PHACTR2: variants seen among roughly 807,000 people sequenced by gnomAD.
The protein encoded by PHACTR2 is chromosome 6 open reading frame 56.
PHACTR2 carries 30 observed loss-of-function variants against 76.0 expected under a neutral mutation model. The observed-to-expected ratio is 0.39, with a 90% CI of 0.30 to 0.54. PHACTR2 has a LOEUF of 0.54. Ranked by LOEUF, PHACTR2 falls within the 20% of genes least tolerant of loss-of-function variation. The pLI is 0.61. For synonymous variants in PHACTR2, 292 were observed against 292.5 expected (o/e 1.00, Z 0.02); for missense variants, 696 against 781.1 (o/e 0.89, Z 1.30).
rs992994770 is a variant in PHACTR2, at chr6:143,823,364, C to T, written c.1923-310C>T. ...CCTCTGCTTGATAAAGGTTAGAGCA[C>T]GATGCTCAAGAATAGTGATGTTTTC... On this transcript the variant is annotated intron_variant, in intron 12 of 12. Coordinates refer to ENST00000440869, the MANE Select transcript of PHACTR2 (RefSeq NM_001100164.2). This position sits in a 1 kb window ranked among gnomAD's most constrained non-coding sequence, Gnocchi z 5.7. 1.5e-4 allele frequency among the ~76,000 whole-genome samples: 23 copies of T among 152,114 alleles called. No individual in the cohort carries two copies. The highest frequency in any genetic ancestry group is 4.6e-4 in the African/African-American group (19 of 41,412).
At chr6:143,725,699 C>T (rs969842288) in intron 2 of PHACTR2, among the ~76,000 whole-genome samples, 20 of 151,736 alleles carry the variant, frequency 1.3e-4, no homozygotes, top group East Asian at 5.9e-4. Context: ...AGCTGGGCAT[C>T]GCCTGTAATC....
Position 143,581,831 on chromosome 6 carries a change from C to T in PHACTR2, c.217+44624C>T, listed in dbSNP as rs1775577968. ...TGGGTGACAGAGTGAGAACCCTGTT[C>T]CCCTCCCCACCCCTCAAAAAGGAAA... is the stretch of plus-strand genomic sequence containing the variant. On this transcript the variant is annotated intron_variant, in intron 1 of 11. Coordinates refer to the PHACTR2 transcript ENST00000367584. The surrounding 1 kb of genome is among the most constrained non-coding windows in gnomAD (Gnocchi z 4.5). Among the ~76,000 whole-genome samples the T allele has an allele frequency of 1.3e-5, 2 of 152,020 alleles. No homozygotes were observed. The highest frequency in any genetic ancestry group is 6.5e-5 in the Admixed American group (1 of 15,268).
rs1332331133 is a variant in PHACTR2 at position 143,822,400 on chromosome 6, C to T, written c.1923-1274C>T. Among the ~76,000 whole-genome samples, 2 of 152,058 alleles carry T rather than the reference C, an allele frequency of 1.3e-5. No homozygotes were observed. The highest frequency in any genetic ancestry group is 6.6e-5 in the Admixed American group (1 of 15,260). The stretch of plus-strand genomic sequence containing the variant: ...AAGAACTGGGTTGGGCGCAGTGGCT[C>T]GTACCTGTAATCACAGCACTGTGGA... On this transcript the variant is annotated intron_variant, in intron 12 of 12. Coordinates refer to ENST00000440869, the MANE Select transcript of PHACTR2 (RefSeq NM_001100164.2). The surrounding 1 kb of genome is among the most constrained non-coding windows in gnomAD (Gnocchi z 5.5).
chr6:143,551,625 G>C (rs1775096812), intron 1 of PHACTR2, among the ~76,000 whole-genome samples: 1 of 152,102 alleles, frequency 6.6e-6, no homozygotes, highest in South Asian at 2.1e-4. Context: ...TGCTTCTATG[G>C]GTTGAACATA....
Position 143,827,180 on chromosome 6 carries a change from ATATATATATATATATATATG to A in PHACTR2, c.*3497_*3516del, listed in dbSNP as rs1207377312. 1 of 129,576 alleles carries A rather than the reference ATATATATATATATATATATG, an allele frequency of 7.7e-6. No individual in the cohort carries two copies. Among genetic ancestry groups the A allele is most frequent in the Non-Finnish European group, 1.6e-5 (1 of 60,648 alleles). The allele number at this position is 129,576 out of a possible 1,614,324, so 8.0% of individuals were successfully genotyped here. On this transcript the variant is annotated 3_prime_UTR_variant, in exon 13 of 13. Coordinates refer to ENST00000440869, the MANE Select transcript of PHACTR2 (RefSeq NM_001100164.2). ...AATATATATATATATATATATATAT[ATATATATATATATATATATG>A]TATATTATATATACAGTAGCTTACA...
In PHACTR2 at chr6:143,678,956, CTGTT is replaced by C. The variant is rs1234149290; in HGVS notation, c.46+750_46+753del. Reference sequence around the variant, plus strand: ...AGTGTAGGGATAAAAAAAAAAAAAACTGTTTGGTGGTGTTACTTGTGATTGGATA... The same window carrying C: ...AGTGTAGGGATAAAAAAAAAAAAAACTGGTGGTGTTACTTGTGATTGGATA... On this transcript the variant is annotated intron_variant, in intron 1 of 12. Coordinates refer to ENST00000440869, the MANE Select transcript of PHACTR2 (RefSeq NM_001100164.2). The surrounding 1 kb of genome is among the most constrained non-coding windows in gnomAD (Gnocchi z 6.2). Among the ~76,000 whole-genome samples the C allele has an allele frequency of 6.8e-6, 1 of 147,838 alleles. No homozygotes were observed. Among genetic ancestry groups the C allele is most frequent in the African/African-American group, 2.6e-5 (1 of 38,846 alleles).
intron 5 of PHACTR2, among the ~76,000 whole-genome samples, chr6:143,762,321 A>C (rs1779461624): frequency 6.6e-6 from 1 of 152,200 alleles, no homozygotes. Context: ...GATTAACACC[A>C]GGTCAGGGGA....
Position 143,648,890 on chromosome 6 carries a change from TTGTGTGTG to T in PHACTR2, c.13+40578_13+40585del, listed in dbSNP as rs66791386. Among the ~76,000 whole-genome samples the T allele has an allele frequency of 1.3e-5, 2 of 150,162 alleles. No homozygotes were observed. The highest frequency in any genetic ancestry group is 2.5e-5 in the African/African-American group (1 of 40,720). ...TCTATGCATATGTGTCTATGTATGT[TTGTGTGTG>T]TGTGTGTGTCTGTCTGGGTCTATGT... On this transcript the variant is annotated intron_variant, in intron 1 of 11. Transcript: ENST00000305766. This position sits in a 1 kb window ranked among gnomAD's most constrained non-coding sequence, Gnocchi z 6.7.
rs898486322 is a variant in PHACTR2, at chr6:143,663,688, G to A, written c.14-48328G>A. Reference sequence around the variant, plus strand: ...TTGGATTTTCTTGTGTTACTTAGGAGTATGTTTCTTTCAGTTTCTAAAAAT... The same window carrying A: ...TTGGATTTTCTTGTGTTACTTAGGAATATGTTTCTTTCAGTTTCTAAAAAT... On this transcript the variant is annotated intron_variant, in intron 1 of 11. Coordinates refer to the PHACTR2 transcript ENST00000305766. This position sits in a 1 kb window ranked among gnomAD's most constrained non-coding sequence, Gnocchi z 4.1. Among the ~76,000 whole-genome samples, 1 of 151,994 alleles carries A rather than the reference G, an allele frequency of 6.6e-6. No individual in the cohort carries two copies. The highest frequency in any genetic ancestry group is 1.5e-5 in the Non-Finnish European group (1 of 67,982).
rs1338304849 is a variant in PHACTR2 at position 143,613,628 on chromosome 6, T to C, written c.13+5306T>C. Among the ~76,000 whole-genome samples the C allele has an allele frequency of 2.6e-5, 4 of 152,240 alleles. No homozygotes were observed. In the East Asian group the frequency reaches 5.8e-4, roughly 22 times the overall value. Reference sequence around the variant, plus strand: ...GCGTTTCTTTCTTTGCAAACGCTCATCTTTCCAAAGGCAGAATGAATTGTG... The same window carrying C: ...GCGTTTCTTTCTTTGCAAACGCTCACCTTTCCAAAGGCAGAATGAATTGTG... On this transcript the variant is annotated intron_variant, in intron 1 of 11. Transcript: ENST00000305766.
rs757773753 is a variant in PHACTR2, at chr6:143,617,172, A to G, written c.13+8850A>G. ...GGGAAGGGGAGAGGAAACTTACTTC[A>G]ATCCCAGCCCTGTGTCAAGGCCCAG... On this transcript the variant is annotated intron_variant, in intron 1 of 11. Coordinates refer to the PHACTR2 transcript ENST00000305766. This position sits in a 1 kb window ranked among gnomAD's most constrained non-coding sequence, Gnocchi z 4.8. Among the ~76,000 whole-genome samples, 3 of 152,216 alleles carry G rather than the reference A, an allele frequency of 2.0e-5. No individual in the cohort carries two copies. The highest frequency in any genetic ancestry group is 4.4e-5 in the Non-Finnish European group (3 of 68,026).
chr6:143,537,454 G>A lies in PHACTR2; in HGVS notation c.217+247G>A, dbSNP rs935603121. 6.6e-6 allele frequency among the ~76,000 whole-genome samples: 1 copy of A among 152,210 alleles called. No homozygotes were observed. Among genetic ancestry groups the A allele is most frequent in the Non-Finnish European group, 1.5e-5 (1 of 68,026 alleles). On this transcript the variant is annotated intron_variant, in intron 1 of 11. Coordinates refer to the PHACTR2 transcript ENST00000367584. The surrounding 1 kb of genome is among the most constrained non-coding windows in gnomAD (Gnocchi z 4.4). ...CGGCTTGGTGCGCCTTGCGGGGCGA[G>A]TGTGCAGCCTGGGTTGGGGTAGGGA...
Position 143,619,530 on chromosome 6 carries a change from A to G in PHACTR2, c.13+11208A>G, listed in dbSNP as rs574249874. Among the ~76,000 whole-genome samples the G allele has an allele frequency of 6.6e-6, 1 of 152,324 alleles. No individual in the cohort carries two copies. The highest frequency in any genetic ancestry group is 2.1e-4 in the South Asian group (1 of 4,826). On this transcript the variant is annotated intron_variant, in intron 1 of 11. Transcript: ENST00000305766. The surrounding 1 kb of genome is among the most constrained non-coding windows in gnomAD (Gnocchi z 4.5). The stretch of plus-strand genomic sequence containing the variant: ...CCCTACTGAAGGGTACACAGTGTTG[A>G]CCTGTACACAAAGAAGCATCTTTCT...
At position 143,541,066 on chromosome 6, in the gene PHACTR2, T is replaced by C. The variant is rs906188942; in HGVS notation, c.217+3859T>C. 6.6e-6 allele frequency among the ~76,000 whole-genome samples: 1 copy of C among 152,252 alleles called. No individual in the cohort carries two copies. Among genetic ancestry groups the C allele is most frequent in the Non-Finnish European group, 1.5e-5 (1 of 68,044 alleles). ...TCAGCCTCCTGAGTAGCTGGTGTTA[T>C]AGGCGCATGCCACTGCTCCCAGCCT... On this transcript the variant is annotated intron_variant, in intron 1 of 11. Transcript: ENST00000367584. The surrounding 1 kb of genome is among the most constrained non-coding windows in gnomAD (Gnocchi z 5.3).
rs1340262736 is a variant in PHACTR2, at chr6:143,578,699, G to A, written c.217+41492G>A. On this transcript the variant is annotated intron_variant, in intron 1 of 11. Transcript: ENST00000367584. This position sits in a 1 kb window ranked among gnomAD's most constrained non-coding sequence, Gnocchi z 4.5. Reference sequence around the variant, plus strand: ...AGGAGGACATGAGTGCAGAAGAGGAGGATGAAGACGATTATAACAATGGAG... The same window carrying A: ...AGGAGGACATGAGTGCAGAAGAGGAAGATGAAGACGATTATAACAATGGAG... 6.6e-6 allele frequency among the ~76,000 whole-genome samples: 1 copy of A among 151,992 alleles called. No individual in the cohort carries two copies. The highest frequency in any genetic ancestry group is 1.5e-5 in the Non-Finnish European group (1 of 68,004).
At chr6:143,756,924 G>A (rs1439914738) in intron 4 of PHACTR2, among the ~76,000 whole-genome samples, 1 of 151,984 alleles carries the variant, frequency 6.6e-6, no homozygotes, top group Non-Finnish European at 1.5e-5. Flanking sequence ...GTGGGCACCT[G>A]TAATCCCAGC....
In PHACTR2 at chr6:143,596,829, C is replaced by CT. The variant is rs1775760909; in HGVS notation, c.217+59622_217+59623insT. On this transcript the variant is annotated intron_variant, in intron 1 of 11. Transcript: ENST00000367584. The surrounding 1 kb of genome is among the most constrained non-coding windows in gnomAD (Gnocchi z 4.6). ...TTCCAGCTTGAGTGACAGAGTGAGA[C>CT]CTCATCTCAAAAAAAATAAAAATAA... Among the ~76,000 whole-genome samples the CT allele has an allele frequency of 1.3e-5, 2 of 151,424 alleles. No individual in the cohort carries two copies. The highest frequency in any genetic ancestry group is 4.9e-5 in the African/African-American group (2 of 41,166).
At chr6:143,552,847 CACTCCAGCCTTGGCA>C (rs1223820849) in intron 1 of PHACTR2, among the ~76,000 whole-genome samples, 3 of 142,522 alleles carry the variant, frequency 2.1e-5, no homozygotes, top group African/African-American at 7.8e-5. Context: ...CGTGCCACTG[CACTCCAGCCTTGGCA>C]ACTGAGCAAG....
At chr6:143,651,582 T>C (rs1426797555) in intron 1 of PHACTR2, among the ~76,000 whole-genome samples, 1 of 152,090 alleles carries the variant, frequency 6.6e-6, no homozygotes, top group East Asian at 1.9e-4. Flanking sequence ...AGCAAACTAA[T>C]GCAGGAACAA....
Sources: gnomAD v4.1 joint callset for allele counts (sites outside exome capture counted in the v4.1 genomes callset) on GRCh38, gnomAD v4.1.1 for gene constraint, Gnocchi (gnomAD v3.1) non-coding constraint, MANE v1.5 for transcripts, NCBI Gene and HGNC (gene_info 2026-07-23, HGNC 2026-07-21) for gene names.